The following HPSE2 variants were observed in gnomAD, a reference collection of about 807,000 sequenced individuals.
HPSE2 encodes the protein heparanase 2 (inactive), also known as inactive heparanase-2.
HPSE2 carries 38 observed loss-of-function variants against 60.5 expected under a neutral mutation model. The observed-to-expected ratio is 0.63, with a 90% CI of 0.48 to 0.82. The LOEUF is 0.82. Among genes scored for constraint, HPSE2 ranks in the 40% least tolerant of loss-of-function variants. HPSE2 has a pLI of 0.00. For synonymous variants in HPSE2, 295 were observed against 293.2 expected (o/e 1.01, Z -0.06); for missense variants, 713 against 740.4 (o/e 0.96, Z 0.43).
At chr10:98,882,827 T>C (rs2134888702) in intron 3 of HPSE2, among the ~76,000 whole-genome samples, 1 of 152,232 alleles carries the variant, frequency 6.6e-6, no homozygotes, top group South Asian at 2.1e-4. Context: ...ATCTATTTCT[T>C]TACAACAATA....
chr10:99,232,248 C>T, intron 2 of HPSE2, 100 bp downstream of exon 2: 2 of 1,375,390 alleles, frequency 1.5e-6, no homozygotes, highest in South Asian at 1.3e-5. Context: ...CACACACACA[C>T]ACACACACGA....
Position 98,926,062 on chromosome 10 carries a change from A to T in HPSE2, c.611-182006T>A, listed in dbSNP as rs900050357. On this transcript the variant is annotated intron_variant, in intron 3 of 11. Coordinates refer to ENST00000370552, the MANE Select transcript of HPSE2 (RefSeq NM_021828.5). ...AGTATATTTACTCTGTCTTTTTGGCAGTAGAAGTAGGTGTCATTGCCTTTT... is the reference window on the plus strand; with the variant it reads ...AGTATATTTACTCTGTCTTTTTGGCTGTAGAAGTAGGTGTCATTGCCTTTT... Among the ~76,000 whole-genome samples, 18 of 152,088 alleles carry T rather than the reference A, an allele frequency of 1.2e-4. 1 individual carries two copies. Among genetic ancestry groups the T allele is most frequent in the South Asian group, 2.1e-4 (1 of 4,828 alleles).
intron 3 of HPSE2, among the ~76,000 whole-genome samples, chr10:98,932,940 T>C (rs911257697): frequency 1.4e-5 from 2 of 143,678 alleles, no homozygotes; most frequent in Non-Finnish European, 3.0e-5. Context: ...CCTGGATTTG[T>C]TGATTTTTCG....
intron 9 of HPSE2, among the ~76,000 whole-genome samples, chr10:98,496,739 T>G (rs1441574166): frequency 6.6e-6 from 1 of 152,248 alleles, no homozygotes; most frequent in Admixed American, 6.5e-5. Flanking sequence ...GACAGATTCA[T>G]GATGCTTCCT....
the HPSE2 span, among the ~76,000 whole-genome samples, chr10:99,267,623 A>C: frequency 2.0e-5 from 3 of 151,832 alleles, no homozygotes; most frequent in African/African-American, 7.3e-5. Context: ...CTCTACTAAA[A>C]ATACAAAAAT....
chr10:99,269,489 T>C, the HPSE2 span, among the ~76,000 whole-genome samples: 1 of 151,874 alleles, frequency 6.6e-6, no homozygotes, highest in African/African-American at 2.4e-5. Flanking sequence ...ATGAAATAGA[T>C]AGCAACACAA....
intron 11 of HPSE2, among the ~76,000 whole-genome samples, chr10:98,472,957 G>T (rs1310913935): frequency 1.3e-5 from 2 of 152,058 alleles, no homozygotes; most frequent in Non-Finnish European, 2.9e-5. Flanking sequence ...CAGAAAAATA[G>T]CAAAGGACAT....
chr10:99,181,121 G>T (rs10786515), intron 2 of HPSE2, among the ~76,000 whole-genome samples: 1 of 151,414 alleles, frequency 6.6e-6, no homozygotes, highest in Non-Finnish European at 1.5e-5. Context: ...ACACGCGGCC[G>T]GGCGCGGTGG....
intron 9 of HPSE2, among the ~76,000 whole-genome samples, chr10:98,591,432 A>C (rs997881826): frequency 6.6e-6 from 1 of 152,178 alleles, no homozygotes; most frequent in African/African-American, 2.4e-5. Context: ...GGAGGCTGAC[A>C]GGGGCAGATC....
intron 3 of HPSE2, among the ~76,000 whole-genome samples, chr10:99,093,874 GATA>G (rs35408998): frequency 0.16 from 24,568 of 152,040 alleles, 2,382 homozygotes; most frequent in Admixed American, 0.24. Flanking sequence ...TCCATCTCTA[GATA>G]ATCACTTTTA....
At chr10:98,545,426 T>C (rs1460560669) in intron 9 of HPSE2, among the ~76,000 whole-genome samples, 1 of 152,092 alleles carries the variant, frequency 6.6e-6, no homozygotes, top group Non-Finnish European at 1.5e-5. Flanking sequence ...GCAAATCGAA[T>C]CCAGCAGCAC....
chr10:98,979,374 C>T (rs921139772), intron 3 of HPSE2, among the ~76,000 whole-genome samples: 2 of 151,978 alleles, frequency 1.3e-5, no homozygotes, highest in African/African-American at 2.4e-5. Flanking sequence ...GAAAAAGTGG[C>T]TAAATTTGTG....
chr10:99,235,702 T>C lies in HPSE2; in HGVS notation c.101A>G (p.His34Arg). Residue 34 changes from histidine to arginine, a missense_variant, in exon 1 of 12, where the codon CAT becomes CGT. His to Arg is a conservative substitution (Grantham distance 29, BLOSUM62 0). Transcript: ENST00000370552. ...PGALYLALLL[H>R]LSLSSQAGDR... ...TCCAGCCTGGGAGGAAAGGGAGAGA[T>C]GGAGCAACAGAGCCAAGTAGAGAGC... 6.2e-7 allele frequency: 1 copy of C among 1,613,858 alleles called. No homozygotes were observed. Among genetic ancestry groups the C allele is most frequent in the South Asian group, 1.1e-5 (1 of 91,058 alleles).
intron 3 of HPSE2, among the ~76,000 whole-genome samples, chr10:98,908,547 G>T (rs1205433533): frequency 6.6e-6 from 1 of 151,962 alleles, no homozygotes; most frequent in Admixed American, 6.6e-5. Context: ...GCCGGGCATG[G>T]TGGTGCATGC....
intron 3 of HPSE2, 159 bp from the exon 4 acceptor site, chr10:98,744,215 T>C: frequency 1.3e-6 from 1 of 751,610 alleles, no homozygotes; most frequent in East Asian, 2.8e-5. Flanking sequence ...TCTGGGTACA[T>C]TTCAAGTTGA....
chr10:98,838,179 G>A (rs1256419014), intron 3 of HPSE2, among the ~76,000 whole-genome samples: 1 of 152,048 alleles, frequency 6.6e-6, no homozygotes, highest in African/African-American at 2.4e-5. Flanking sequence ...CTTGTGACTT[G>A]TGAATCAGGC....
chr10:99,238,321 GTA>G, upstream of HPSE2, among the ~76,000 whole-genome samples: 1 of 152,250 alleles, frequency 6.6e-6, no homozygotes, highest in East Asian at 1.9e-4. Context: ...ATGAACTTGA[GTA>G]TAATGAGAAT....
chr10:99,305,989 A>G, the HPSE2 span, among the ~76,000 whole-genome samples: 44 of 146,754 alleles, frequency 3.0e-4, 1 homozygote, highest in African/African-American at 9.5e-4. Flanking sequence ...GCACACACAC[A>G]CACACACACA....
At chr10:98,637,833 T>C (rs1398057396) in intron 7 of HPSE2, among the ~76,000 whole-genome samples, 3 of 152,114 alleles carry the variant, frequency 2.0e-5, no homozygotes, top group African/African-American at 7.2e-5. Context: ...TCTAGGTATA[T>C]AGACAGTAAA....
Sources: allele counts gnomAD v4.1 joint callset (sites outside exome capture counted in the v4.1 genomes callset), GRCh38; gene constraint gnomAD v4.1.1; transcripts MANE v1.5; gene names NCBI Gene and HGNC (gene_info 2026-07-23, HGNC 2026-07-21).